Variants in NCKAP5 observed in about 807,000 individuals in gnomAD.
The protein encoded by NCKAP5 is nck-associated protein 5.
A neutral mutation model predicts 167.0 loss-of-function variants in NCKAP5; 92 were observed. The ratio of observed to expected loss-of-function variants is 0.55; its 90% CI spans 0.47 to 0.66. The LOEUF is 0.66. Ranked by LOEUF, NCKAP5 falls within the 30% of genes least tolerant of loss-of-function variation. NCKAP5 has a pLI of 0.00. For synonymous variants in NCKAP5, 891 were observed against 877.4 expected, an observed-to-expected ratio of 1.02 and a Z score of -0.27; for missense variants, 2,378 against 2,315.0, an observed-to-expected ratio of 1.03 and a Z score of -0.56.
chr2:133,372,123 T>C (rs1685844679), intron 3 of NCKAP5, among the ~76,000 whole-genome samples: 1 of 152,108 alleles, frequency 6.6e-6, no homozygotes, highest in African/African-American at 2.4e-5. Context: ...GGATGTGAGA[T>C]TTGAGTGGTC....
chr2:132,747,702 C>T (rs1392383208), intron 16 of NCKAP5, among the ~76,000 whole-genome samples: 8 of 152,218 alleles, frequency 5.3e-5, no homozygotes, highest in Admixed American at 5.2e-4. Flanking sequence ...CATTACACCT[C>T]ACCTTTCTGC....
At chr2:133,420,991 G>A (rs1304031383) in intron 3 of NCKAP5, among the ~76,000 whole-genome samples, 1 of 152,144 alleles carries the variant, frequency 6.6e-6, no homozygotes, top group Admixed American at 6.5e-5. Context: ...ATGATGAGCA[G>A]GATACCAACT....
At chr2:133,624,908 T>C in the NCKAP5 span, among the ~76,000 whole-genome samples, 55 of 152,194 alleles carry the variant, frequency 3.6e-4, no homozygotes, top group Non-Finnish European at 4.9e-4. Context: ...CTTTACAGAC[T>C]GATCAAAATT....
chr2:132,740,056 C>T (rs115883472), intron 16 of NCKAP5, among the ~76,000 whole-genome samples: 3,278 of 152,268 alleles, frequency 0.022, 90 homozygotes, highest in African/African-American at 0.074. Context: ...TACCCACTTA[C>T]AGATCCAAAC....
chr2:133,664,778 G>A, the NCKAP5 span, among the ~76,000 whole-genome samples: 1 of 152,140 alleles, frequency 6.6e-6, no homozygotes, highest in African/African-American at 2.4e-5. Flanking sequence ...GATTACATAT[G>A]TGAGCCACCG....
chr2:132,711,927 G>C (rs1416423894), intron 19 of NCKAP5, among the ~76,000 whole-genome samples: 1 of 152,168 alleles, frequency 6.6e-6, no homozygotes, highest in African/African-American at 2.4e-5. Context: ...TTAGAAATGG[G>C]GAGAATAAGC....
chr2:132,721,442 G>GACCTCTATTGGGT (rs1397686801), intron 19 of NCKAP5, among the ~76,000 whole-genome samples: 5 of 152,118 alleles, frequency 3.3e-5, no homozygotes, highest in African/African-American at 1.2e-4. Context: ...GCAGGTTGGG[G>GACCTCTATTGGGT]ACCTCTATTA....
chr2:132,861,281 A>G (rs1000212734), intron 10 of NCKAP5, among the ~76,000 whole-genome samples: 6 of 152,100 alleles, frequency 3.9e-5, no homozygotes, highest in Admixed American at 3.9e-4. Context: ...GAATAGTTCA[A>G]ACACCACAGA....
At chr2:133,669,217 C>A in the NCKAP5 span, among the ~76,000 whole-genome samples, 1 of 152,186 alleles carries the variant, frequency 6.6e-6, no homozygotes, top group African/African-American at 2.4e-5. Flanking sequence ...TGCCACACAG[C>A]TCACTGTTCT....
At chr2:133,457,100 T>G (rs1451702447) in intron 3 of NCKAP5, among the ~76,000 whole-genome samples, 2 of 152,140 alleles carry the variant, frequency 1.3e-5, no homozygotes, top group Non-Finnish European at 2.9e-5. Context: ...AAAAGGGGAC[T>G]TGAGAGGTAC....
chr2:133,273,293 C>T (rs527947594), intron 4 of NCKAP5, among the ~76,000 whole-genome samples: 7 of 152,170 alleles, frequency 4.6e-5, no homozygotes, highest in Middle Eastern at 3.4e-3. Context: ...TGGCTAATGA[C>T]GTTCAGTATC....
chr2:133,245,590 T>C (rs1377931323), intron 4 of NCKAP5, among the ~76,000 whole-genome samples: 1 of 152,114 alleles, frequency 6.6e-6, no homozygotes, highest in Admixed American at 6.5e-5. Flanking sequence ...ATACTAACAC[T>C]TGATTTGTGT....
At chr2:133,035,501 T>C (rs1421324546) in intron 6 of NCKAP5, among the ~76,000 whole-genome samples, 1 of 152,004 alleles carries the variant, frequency 6.6e-6, no homozygotes, top group African/African-American at 2.4e-5. Flanking sequence ...GGACAGCCCA[T>C]ATGTTACGTA....
intron 16 of NCKAP5, among the ~76,000 whole-genome samples, chr2:132,759,118 C>CT (rs1004921967): frequency 6.4e-4 from 95 of 148,192 alleles, no homozygotes; most frequent in East Asian, 2.9e-3. Flanking sequence ...CTACAATTGG[C>CT]TTTTTTTTTT....
the NCKAP5 span, among the ~76,000 whole-genome samples, chr2:133,645,341 A>T: frequency 7.3e-3 from 1,112 of 152,318 alleles, 15 homozygotes; most frequent in African/African-American, 0.025. Context: ...TATAAAAGGG[A>T]TATACATTTT....
chr2:133,601,826 AG>A, the NCKAP5 span, among the ~76,000 whole-genome samples: 1 of 152,102 alleles, frequency 6.6e-6, no homozygotes, highest in South Asian at 2.1e-4. Flanking sequence ...GAATGTCCTA[AG>A]TGTGGCATGT....
intron 3 of NCKAP5, among the ~76,000 whole-genome samples, chr2:133,451,255 C>T (rs984974367): frequency 2.0e-5 from 3 of 152,182 alleles, no homozygotes; most frequent in Non-Finnish European, 4.4e-5. Flanking sequence ...TGGATCTGAA[C>T]TTCTAAATGC....
At chr2:133,494,860 T>C (rs1211596008) in intron 3 of NCKAP5, among the ~76,000 whole-genome samples, 1 of 152,158 alleles carries the variant, frequency 6.6e-6, no homozygotes. Flanking sequence ...AAAATCTACA[T>C]TTTGTCGAGA....
intron 7 of NCKAP5, among the ~76,000 whole-genome samples, chr2:132,983,033 TC>T (rs2077187255): frequency 1.3e-5 from 2 of 152,206 alleles, no homozygotes. Context: ...ATCTTCTACC[TC>T]CTTGGTTAGG....
Sources: gnomAD v4.1 joint callset for allele counts (sites outside exome capture counted in the v4.1 genomes callset) on GRCh38, gnomAD v4.1.1 for gene constraint, MANE v1.5 for transcripts, NCBI Gene and HGNC (gene_info 2026-07-23, HGNC 2026-07-21) for gene names.